PLCB1: variants seen among roughly 807,000 people sequenced by gnomAD.
The protein encoded by PLCB1 is phospholipase C beta 1.
PLCB1 carries 46 observed loss-of-function variants against 161.8 expected under a neutral mutation model. That is an observed-to-expected ratio of 0.28 (90% CI 0.22 to 0.36). The LOEUF (loss-of-function observed/expected upper bound fraction) is 0.36, where lower values mean the gene tolerates loss of function less well. Among genes scored for constraint, PLCB1 ranks in the 10% least tolerant of loss-of-function variants. The pLI is 1.00. For missense variants in PLCB1, 1,016 were observed against 1,472.5 expected, an observed-to-expected ratio of 0.69 and a Z score of 5.07; for synonymous variants, 517 against 503.7, an observed-to-expected ratio of 1.03 and a Z score of -0.35.
At position 8,575,894 on chromosome 20, in the gene PLCB1, A is replaced by G. The variant is rs186065177; in HGVS notation, c.247-52400A>G. Among the ~76,000 whole-genome samples the G allele has an allele frequency of 6.3e-3, 964 of 152,310 alleles. 6 individuals are homozygous for G. The highest frequency in any genetic ancestry group is 0.017 in the Middle Eastern group (5 of 294). ...GGAGATGTAAATCAGTCACCATTTT[A>G]AACTGATTGATCAAACTCAGTAAGA... On this transcript the variant is annotated intron_variant, in intron 3 of 31. Transcript: ENST00000338037.
At chr20:8,150,687 G>A (rs1050645431) in intron 2 of PLCB1, among the ~76,000 whole-genome samples, 1 of 152,116 alleles carries the variant, frequency 6.6e-6, no homozygotes, top group Admixed American at 6.6e-5. Context: ...ACTGATTTAA[G>A]TCCCCACCCA....
chr20:8,466,729 A>G (rs1427620846), intron 3 of PLCB1, among the ~76,000 whole-genome samples: 1 of 152,000 alleles, frequency 6.6e-6, no homozygotes, highest in East Asian at 1.9e-4. Flanking sequence ...AGCTCCGTAA[A>G]ATTTTTTGGA....
At position 8,883,482 on chromosome 20, in the gene PLCB1, T is replaced by C. The variant is rs1381206789; in HGVS notation, c.*1633T>C. 1 of 152,092 alleles carries C rather than the reference T, an allele frequency of 6.6e-6. No individual in the cohort carries two copies. Among genetic ancestry groups the C allele is most frequent in the Non-Finnish European group, 1.5e-5 (1 of 67,978 alleles). The allele number at this position is 152,092 out of a possible 1,614,324, so 9.4% of individuals were successfully genotyped here. On this transcript the variant is annotated 3_prime_UTR_variant, in exon 32 of 32. Coordinates refer to ENST00000338037, the MANE Select transcript of PLCB1 (RefSeq NM_015192.4). ...AAGTTAAAACCCAGAAGCCAGATGC[T>C]CACAGTTTTATTTTACTTTAAAATA...
intron 2 of PLCB1, among the ~76,000 whole-genome samples, chr20:8,275,156 G>C (rs974094805): frequency 6.6e-6 from 1 of 151,776 alleles, no homozygotes; most frequent in Non-Finnish European, 1.5e-5. Context: ...AGGGAATACT[G>C]ATGTCATATA....
intron 3 of PLCB1, among the ~76,000 whole-genome samples, chr20:8,556,768 T>C (rs535370717): frequency 1.3e-5 from 2 of 150,930 alleles, no homozygotes; most frequent in East Asian, 3.9e-4. Flanking sequence ...AAATAGAGAC[T>C]TCAGAGTCCA....
intron 3 of PLCB1, among the ~76,000 whole-genome samples, chr20:8,568,494 C>A (rs892733748): frequency 3.9e-5 from 6 of 152,062 alleles, no homozygotes; most frequent in African/African-American, 4.8e-5. Context: ...AGTTCTGAAT[C>A]CACATATAGA....
In PLCB1 at chr20:8,606,996, G is replaced by T. The variant is rs181117923; in HGVS notation, c.247-21298G>T. On this transcript the variant is annotated intron_variant, in intron 3 of 31. Transcript: ENST00000338037. ...TGCTCTAACAGTTTAGGCAGGAGAT[G>T]GTTCCCAATTCTAAATCCATAGCTT... Among the ~76,000 whole-genome samples, 1,183 of 152,246 alleles carry T rather than the reference G, an allele frequency of 7.8e-3. 5 individuals carry two copies. Among genetic ancestry groups the T allele is most frequent in the Middle Eastern group, 0.034 (10 of 294 alleles).
At chr20:8,387,285 T>C (rs1600365235) in intron 3 of PLCB1, among the ~76,000 whole-genome samples, 2 of 152,304 alleles carry the variant, frequency 1.3e-5, no homozygotes, top group South Asian at 4.1e-4. Flanking sequence ...GATTCTTCCT[T>C]TCACTTGTAC....
At chr20:8,530,399 T>C (rs1449621855) in intron 3 of PLCB1, among the ~76,000 whole-genome samples, 1 of 152,150 alleles carries the variant, frequency 6.6e-6, no homozygotes, top group Non-Finnish European at 1.5e-5. Flanking sequence ...ATATATTTGC[T>C]ATAATCTACT....
chr20:8,218,582 A>G (rs1979252259), intron 2 of PLCB1, among the ~76,000 whole-genome samples: 1 of 152,064 alleles, frequency 6.6e-6, no homozygotes, highest in South Asian at 2.1e-4. Context: ...TGAAGATTAA[A>G]TAAGTTAGTG....
intron 2 of PLCB1, among the ~76,000 whole-genome samples, chr20:8,196,177 G>A (rs956226838): frequency 2.0e-5 from 3 of 152,120 alleles, no homozygotes; most frequent in African/African-American, 7.2e-5. Flanking sequence ...GTGAGATCTG[G>A]ATGGGGACAC....
intron 3 of PLCB1, among the ~76,000 whole-genome samples, chr20:8,520,563 G>A (rs973938921): frequency 6.6e-6 from 1 of 151,988 alleles, no homozygotes; most frequent in Non-Finnish European, 1.5e-5. Context: ...AATGTTAAAT[G>A]TACATCACAC....
At chr20:8,331,364 T>C (rs961241814) in intron 2 of PLCB1, among the ~76,000 whole-genome samples, 21 of 150,450 alleles carry the variant, frequency 1.4e-4, no homozygotes, top group African/African-American at 5.2e-4. Context: ...TTTTTTTTTT[T>C]CTATGTTCAA....
chr20:8,717,916 C>A, intron 14 of PLCB1, 68 bp downstream of exon 14: 2 of 1,428,010 alleles, frequency 1.4e-6, no homozygotes, highest in Non-Finnish European at 1.9e-6. Context: ...CTGGGCTGTG[C>A]GTGGTGGCTC....
At chr20:8,555,624 A>T (rs192615972) in intron 3 of PLCB1, among the ~76,000 whole-genome samples, 1 of 152,252 alleles carries the variant, frequency 6.6e-6, no homozygotes, top group South Asian at 2.1e-4. Flanking sequence ...TAAGTGTTAC[A>T]TTCAAATGTG....
intron 14 of PLCB1, among the ~76,000 whole-genome samples, chr20:8,721,140 G>A (rs1979609284): frequency 6.6e-6 from 1 of 152,138 alleles, no homozygotes; most frequent in African/African-American, 2.4e-5. Context: ...CTGTCATTCA[G>A]TAATTGAACT....
intron 27 of PLCB1, among the ~76,000 whole-genome samples, chr20:8,781,884 A>G (rs546073346): frequency 3.5e-4 from 53 of 152,210 alleles, no homozygotes; most frequent in African/African-American, 8.2e-4. Flanking sequence ...CCATAATTCA[A>G]TCATCTCCCA....
intron 20 of PLCB1, among the ~76,000 whole-genome samples, chr20:8,737,757 T>A (rs1980658217): frequency 6.6e-6 from 1 of 152,228 alleles, no homozygotes; most frequent in Non-Finnish European, 1.5e-5. Context: ...GGAAGTAGAC[T>A]TTTTAGCCTA....
At chr20:8,840,738 T>G (rs1047264892) in intron 31 of PLCB1, among the ~76,000 whole-genome samples, 1 of 152,184 alleles carries the variant, frequency 6.6e-6, no homozygotes, top group Non-Finnish European at 1.5e-5. Flanking sequence ...AGACCGAATC[T>G]CATCAAGAAA....
Sources: gnomAD v4.1 joint callset for allele counts (sites outside exome capture counted in the v4.1 genomes callset) on GRCh38, gnomAD v4.1.1 for gene constraint, MANE v1.5 for transcripts, NCBI Gene and HGNC (gene_info 2026-07-23, HGNC 2026-07-21) for gene names.